The following SPG11 variants were observed in gnomAD, a reference collection of about 807,000 sequenced individuals.
The protein encoded by SPG11 is SPG11 vesicle trafficking associated, spatacsin.
In SPG11, 222 loss-of-function variants were observed where a neutral mutation model predicts 274.0. The observed-to-expected ratio is 0.81, with a 90% CI of 0.73 to 0.91. The LOEUF (loss-of-function observed/expected upper bound fraction) is 0.91, where lower values mean the gene tolerates loss of function less well. Ranked by LOEUF, SPG11 falls within the 40% of genes least tolerant of loss-of-function variation. The pLI is 0.00. For synonymous variants in SPG11, 1,144 were observed against 1,039.7 expected (o/e 1.10, Z -1.93); for missense variants, 3,114 against 2,872.7 (o/e 1.08, Z -1.92).
rs146820573 is a variant in SPG11 at position 44,632,384 on chromosome 15, G to C, written c.1735+1121C>G. Among the ~76,000 whole-genome samples, 22 of 152,192 alleles carry C rather than the reference G, an allele frequency of 1.4e-4. No homozygotes were observed. The East Asian group carries it at 2.3e-3, about 16-fold the overall frequency. ...AGGGGAAAATATACTTTATTACCCT[G>C]TTGTTCTAAGGAGAGAATTTACATG... is the stretch of plus-strand genomic sequence containing the variant. On this transcript the variant is annotated intron_variant, in intron 8 of 39. Transcript: ENST00000261866.
At chr15:44,659,918 G>A (rs913604622) in intron 2 of SPG11, among the ~76,000 whole-genome samples, 2 of 152,156 alleles carry the variant, frequency 1.3e-5, no homozygotes, top group Non-Finnish European at 2.9e-5. Context: ...AAAGTTAGCT[G>A]GGCGTGGCGG....
At chr15:44,596,690 A>AT in intron 24 of SPG11, 94 bp downstream of exon 24, 1 of 413,156 alleles carries the variant, frequency 2.4e-6, no homozygotes, top group Non-Finnish European at 4.4e-6. Context: ...AAAAAAAAAA[A>AT]GGCCTATGTC....
At chr15:44,603,851 G>A (rs2083254857) in intron 20 of SPG11, among the ~76,000 whole-genome samples, 1 of 151,894 alleles carries the variant, frequency 6.6e-6, no homozygotes, top group Non-Finnish European at 1.5e-5. Flanking sequence ...TTTTTAAATT[G>A]GTATTATTTT....
chr15:44,568,007 T>G (rs937242288), intron 35 of SPG11, among the ~76,000 whole-genome samples: 6 of 152,294 alleles, frequency 3.9e-5, no homozygotes, highest in South Asian at 2.1e-4. Flanking sequence ...TGTAGGAGGA[T>G]GATTTGTTGA....
At position 44,600,487 on chromosome 15, in the gene SPG11, CTTGA is replaced by C. The variant is rs1473836469; in HGVS notation, c.3662_3665del (p.Ile1221ArgfsTer8). Reference sequence around the variant, plus strand: ...CTCACAGCTGCTTGGGAGTCTTGCTCTTGATTAATTCCTGGACCAGAAAAGTACC... The same window carrying C: ...CTCACAGCTGCTTGGGAGTCTTGCTCTTAATTCCTGGACCAGAAAAGTACC... On this transcript the variant is annotated frameshift_variant, in exon 21 of 40. Coordinates refer to ENST00000261866, the MANE Select transcript of SPG11 (RefSeq NM_025137.4). LOFTEE classifies it high-confidence loss of function. 2.5e-6 allele frequency: 4 copies of C among 1,614,060 alleles called. No individual in the cohort carries two copies. The highest frequency in any genetic ancestry group is 1.7e-5 in the Admixed American group (1 of 60,008).
At chr15:44,643,605 T>C (rs2084520516) in intron 7 of SPG11, among the ~76,000 whole-genome samples, 1 of 151,808 alleles carries the variant, frequency 6.6e-6, no homozygotes, top group Admixed American at 6.6e-5. Context: ...ATCTGCACAA[T>C]CTCAGATTAG....
rs560590382 is a variant in SPG11 at position 44,609,111 on chromosome 15, T to G, written c.3292-506A>C. Reference sequence around the variant, plus strand: ...GTTAAGCTAGCACCATTAAGAAACTTTTGAAGATTAGATATTAAACAACAT... The same window carrying G: ...GTTAAGCTAGCACCATTAAGAAACTGTTGAAGATTAGATATTAAACAACAT... On this transcript the variant is annotated intron_variant, in intron 18 of 39. Transcript: ENST00000261866. 5.3e-5 allele frequency among the ~76,000 whole-genome samples: 8 copies of G among 152,202 alleles called. No individual in the cohort carries two copies. The South Asian group carries it at 1.7e-3, about 32-fold the overall frequency.
At chr15:44,626,237 T>C (rs191154762) in intron 11 of SPG11, 94 bp downstream of exon 11, 3 of 1,074,214 alleles carry the variant, frequency 2.8e-6, no homozygotes, top group South Asian at 3.1e-5. Flanking sequence ...ATAAATTTCT[T>C]AGTTTATGAA....
intron 30 of SPG11, among the ~76,000 whole-genome samples, chr15:44,580,295 C>T (rs1385575220): frequency 6.6e-6 from 1 of 152,158 alleles, no homozygotes. Flanking sequence ...GTGTAGAAGT[C>T]TATACCACCT....
chr15:44,663,367 G>A, intron 1 of SPG11, 24 bp downstream of exon 1: 1 of 1,601,396 alleles, frequency 6.2e-7, no homozygotes, highest in Non-Finnish European at 8.5e-7. Context: ...TCCCCCAACG[G>A]CCCAACTCTC....
intron 16 of SPG11, 31 bp from the exon 17 acceptor site, chr15:44,613,567 G>C: frequency 1.4e-6 from 2 of 1,383,462 alleles, no homozygotes; most frequent in Non-Finnish European, 1.0e-6. Context: ...AACCTTCTTT[G>C]ATTAACATAC....
At chr15:44,653,830 C>T (rs2084857342) in intron 4 of SPG11, among the ~76,000 whole-genome samples, 1 of 152,120 alleles carries the variant, frequency 6.6e-6, no homozygotes, top group South Asian at 2.1e-4. Flanking sequence ...ACAGTTGACC[C>T]TTGAATATCA....
At chr15:44,620,495 G>A (rs921821125) in intron 14 of SPG11, 92 bp from the exon 15 acceptor site, 26 of 884,800 alleles carry the variant, frequency 2.9e-5, no homozygotes, top group Non-Finnish European at 4.4e-5. Context: ...ATAACAATCT[G>A]GACATAGATA....
chr15:44,575,401 G>GC (rs2082514226), intron 30 of SPG11: 1 of 211,040 alleles, frequency 4.7e-6, no homozygotes, highest in Non-Finnish European at 9.9e-6. Flanking sequence ...TCCAGTTGTG[G>GC]CCTTAGTTCC....
intron 7 of SPG11, among the ~76,000 whole-genome samples, chr15:44,636,923 C>T (rs2084274207): frequency 7.0e-5 from 2 of 28,722 alleles, no homozygotes; most frequent in Non-Finnish European, 1.1e-4. Context: ...AAGACTCCAT[C>T]TCAAAAAAAA....
chr15:44,653,588 A>C (rs746336956), intron 4 of SPG11, among the ~76,000 whole-genome samples: 1 of 151,966 alleles, frequency 6.6e-6, no homozygotes, highest in Admixed American at 6.6e-5. Flanking sequence ...GGAGACTATT[A>C]AAATAGTTCA....
At chr15:44,609,443 T>C (rs1472000843) in intron 18 of SPG11, among the ~76,000 whole-genome samples, 3 of 152,088 alleles carry the variant, frequency 2.0e-5, no homozygotes, top group Non-Finnish European at 2.9e-5. Context: ...AACAACATTC[T>C]TAATTTCCCT....
At chr15:44,608,373 G>C in intron 19 of SPG11, 71 bp downstream of exon 19, 1 of 1,514,016 alleles carries the variant, frequency 6.6e-7, no homozygotes, top group Non-Finnish European at 9.2e-7. Context: ...CCGGTTGAAA[G>C]ATCTAGAGTG....
chr15:44,563,122 T>C lies in SPG11; in HGVS notation c.7331A>G (p.Ter2444TrpextTer4), dbSNP rs1472919557. 1 of 1,613,960 alleles carries C rather than the reference T, an allele frequency of 6.2e-7. No individual in the cohort carries two copies. The change falls in exon 40 of 40, where the codon TAG (stop) becomes TGG (tryptophan). Residue 2444 changes from the stop codon to tryptophan, a stop_lost. Transcript: ENST00000261866. Reference sequence around the variant, plus strand: ...GAAAACAGACACCTATGAAATCATCTAACCTGCTAGCATGTCCTTTAGACA... The same window carrying C: ...GAAAACAGACACCTATGAAATCATCCAACCTGCTAGCATGTCCTTTAGACA... Reference protein sequence around the residue: ...GCCLKDMLAG* With the variant: ...GCCLKDMLAGW
Sources: allele counts gnomAD v4.1 joint callset (sites outside exome capture counted in the v4.1 genomes callset), GRCh38; gene constraint gnomAD v4.1.1; transcripts MANE v1.5; gene names NCBI Gene and HGNC (gene_info 2026-07-23, HGNC 2026-07-21).